RABGAP1: variants seen among roughly 807,000 people sequenced by gnomAD.
RABGAP1 encodes the protein RAB GTPase activating protein 1.
In RABGAP1, 23 loss-of-function variants were observed where a neutral mutation model predicts 137.6. The ratio of observed to expected loss-of-function variants is 0.17; its 90% CI spans 0.12 to 0.24. RABGAP1 has a LOEUF of 0.24. Ranked by LOEUF, RABGAP1 falls within the 10% of genes least tolerant of loss-of-function variation. The pLI is 1.00. For synonymous variants in RABGAP1, 451 were observed against 450.7 expected, an observed-to-expected ratio of 1.00 and a Z score of -0.01; for missense variants, 906 against 1,275.8, an observed-to-expected ratio of 0.71 and a Z score of 4.42.
intron 20 of RABGAP1, 73 bp from the exon 21 acceptor site, chr9:123,090,202 G>T: frequency 8.7e-7 from 1 of 1,146,340 alleles, no homozygotes; most frequent in Admixed American, 2.5e-5. Flanking sequence ...TTTATTTTGA[G>T]GTTTAGCCCT....
At chr9:123,020,518 A>G in intron 13 of RABGAP1, 59 bp downstream of exon 13, 1 of 1,361,122 alleles carries the variant, frequency 7.3e-7, no homozygotes. Context: ...TGATGAAAAG[A>G]TCATTATAGT....
At chr9:123,087,077 G>T (rs747185857) in intron 19 of RABGAP1, among the ~76,000 whole-genome samples, 1 of 152,112 alleles carries the variant, frequency 6.6e-6, no homozygotes, top group African/African-American at 2.4e-5. Context: ...ATGTTGGTCC[G>T]TGTAAAAGTT....
chr9:123,047,404 G>T (rs1412590088), intron 13 of RABGAP1, among the ~76,000 whole-genome samples: 1 of 152,090 alleles, frequency 6.6e-6, no homozygotes. Flanking sequence ...TGTTTTCCAA[G>T]AATTTTAAAT....
At chr9:122,977,647 A>G (rs1835832609) in intron 2 of RABGAP1, among the ~76,000 whole-genome samples, 1 of 152,170 alleles carries the variant, frequency 6.6e-6, no homozygotes, top group Admixed American at 6.5e-5. Context: ...CAGAGGTTGC[A>G]GTGAGCAGAG....
chr9:122,947,213 T>C (rs958040792), intron 1 of RABGAP1, among the ~76,000 whole-genome samples: 2 of 152,228 alleles, frequency 1.3e-5, no homozygotes, highest in Non-Finnish European at 2.9e-5. Flanking sequence ...TGAAGACTTA[T>C]ACTAAATGAA....
chr9:122,935,858 GTAACGAACTCC>G (rs574008164), upstream of RABGAP1, among the ~76,000 whole-genome samples: 7 of 152,268 alleles, frequency 4.6e-5, no homozygotes, highest in African/African-American at 1.7e-4. Context: ...AATGCTGGTG[GTAACGAACTCC>G]CTTGGCTTGT....
intron 2 of RABGAP1, among the ~76,000 whole-genome samples, chr9:122,981,363 A>T (rs1836044943): frequency 6.6e-6 from 1 of 152,198 alleles, no homozygotes; most frequent in Non-Finnish European, 1.5e-5. Flanking sequence ...CTGAAAAAAG[A>T]TAAATATGTA....
At chr9:123,027,850 C>T (rs2032068941) in intron 13 of RABGAP1, among the ~76,000 whole-genome samples, 1 of 152,204 alleles carries the variant, frequency 6.6e-6, no homozygotes, top group African/African-American at 2.4e-5. Flanking sequence ...GCTGCCTTGT[C>T]CTACATGAAA....
chr9:123,055,467 C>T (rs766596530), intron 13 of RABGAP1, among the ~76,000 whole-genome samples: 3 of 151,074 alleles, frequency 2.0e-5, no homozygotes, highest in Admixed American at 6.6e-5. Context: ...CCTTGGTTCA[C>T]GCAGTCCTCC....
intron 12 of RABGAP1, among the ~76,000 whole-genome samples, chr9:123,019,912 G>T (rs771667342): frequency 6.6e-6 from 1 of 152,058 alleles, no homozygotes; most frequent in Non-Finnish European, 1.5e-5. Flanking sequence ...TTGAACTCCT[G>T]ACCTCAGGTG....
intron 2 of RABGAP1, among the ~76,000 whole-genome samples, chr9:122,972,253 G>A (rs1177463887): frequency 6.6e-6 from 1 of 152,042 alleles, no homozygotes. Flanking sequence ...ACAACAGTGC[G>A]ACCCTGTCTC....
chr9:122,997,134 A>T, intron 8 of RABGAP1, 125 bp from the exon 9 acceptor site: 1 of 674,102 alleles, frequency 1.5e-6, no homozygotes, highest in South Asian at 2.0e-5. Context: ...AATCATTCAC[A>T]TACACTTATC....
At chr9:123,058,183 G>A (rs899522202) in intron 13 of RABGAP1, among the ~76,000 whole-genome samples, 4 of 152,166 alleles carry the variant, frequency 2.6e-5, no homozygotes, top group African/African-American at 9.7e-5. Flanking sequence ...TAGCAAAAGG[G>A]GTAGAATAGC....
At chr9:122,970,426 C>T (rs1468632154) in intron 2 of RABGAP1, among the ~76,000 whole-genome samples, 1 of 152,100 alleles carries the variant, frequency 6.6e-6, no homozygotes, top group Non-Finnish European at 1.5e-5. Flanking sequence ...GCCTGGGCAA[C>T]ATAGTGATAC....
intron 13 of RABGAP1, among the ~76,000 whole-genome samples, chr9:123,025,656 A>G (rs2031921846): frequency 1.3e-5 from 2 of 149,938 alleles, no homozygotes; most frequent in South Asian, 4.2e-4. Flanking sequence ...CACTACAGCA[A>G]ATGGAATAGT....
chr9:122,990,163 C>G lies in RABGAP1; in HGVS notation c.873C>G (p.Thr291=), dbSNP rs773873698. 1.9e-6 allele frequency: 3 copies of G among 1,611,708 alleles called. No homozygotes were observed. Among genetic ancestry groups the G allele is most frequent in the African/African-American group, 1.3e-5 (1 of 74,842 alleles). The change falls in exon 6 of 26, where the codon ACC becomes ACG. Residue 291 remains threonine (T), a synonymous_variant. Coordinates refer to ENST00000373647, the MANE Select transcript of RABGAP1 (RefSeq NM_012197.4). ...APQTPDSDIF[T]FSVSLEIKED... Reference sequence around the variant, plus strand: ...AGACTCCTGACAGTGACATCTTTACCTTCTCTGTGTCTTTAGAAATAAAAG... The same window carrying G: ...AGACTCCTGACAGTGACATCTTTACGTTCTCTGTGTCTTTAGAAATAAAAG...
intron 8 of RABGAP1, 194 bp from the exon 9 acceptor site, chr9:122,997,065 T>TA (rs1837060221): frequency 1.7e-6 from 1 of 593,796 alleles, no homozygotes; most frequent in African/African-American, 1.9e-5. Context: ...TTCGTAAGCA[T>TA]ATACATATAA....
chr9:123,072,087 GTGGATTTTGGATTT>G (rs1189498011), intron 15 of RABGAP1, among the ~76,000 whole-genome samples: 1 of 152,190 alleles, frequency 6.6e-6, no homozygotes, highest in Non-Finnish European at 1.5e-5. Flanking sequence ...CGGAAGTGTT[GTGGATTTTGGATTT>G]TGGATTTTGG....
chr9:123,073,524 TACCC>T, intron 15 of RABGAP1, 24 bp from the exon 16 acceptor site: 2 of 1,600,676 alleles, frequency 1.2e-6, no homozygotes, highest in South Asian at 2.3e-5. Flanking sequence ...CCATCCTCCC[TACCC>T]AACAACTTGC....
Sources: allele counts gnomAD v4.1 joint callset (sites outside exome capture counted in the v4.1 genomes callset), GRCh38; gene constraint gnomAD v4.1.1; transcripts MANE v1.5; gene names NCBI Gene and HGNC (gene_info 2026-07-23, HGNC 2026-07-21).